Variants in BICC1 observed in about 807,000 individuals in gnomAD.
The protein encoded by BICC1 is BicC family RNA binding protein 1, also known as protein bicaudal C homolog 1.
Under a neutral mutation model 111.0 loss-of-function variants are expected in BICC1, and 43 were observed. That is an observed-to-expected ratio of 0.39 (90% CI 0.30 to 0.50). The LOEUF (loss-of-function observed/expected upper bound fraction) is 0.50. Among genes scored for constraint, BICC1 ranks in the 20% least tolerant of loss-of-function variants. BICC1 has a pLI of 0.88. For synonymous variants in BICC1, 467 were observed against 434.4 expected (o/e 1.07, Z -0.93); for missense variants, 1,091 against 1,203.2 (o/e 0.91, Z 1.38).
chr10:58,713,775 C>T (rs1466536758), intron 3 of BICC1, among the ~76,000 whole-genome samples: 1 of 152,234 alleles, frequency 6.6e-6, no homozygotes, highest in African/African-American at 2.4e-5. Context: ...CCTCACCTGA[C>T]TTTTAGAAGT....
chr10:58,513,602 G>A (rs1842158680), intron 1 of BICC1, among the ~76,000 whole-genome samples: 1 of 152,188 alleles, frequency 6.6e-6, no homozygotes, highest in South Asian at 2.1e-4. Flanking sequence ...TTGTACTGGC[G>A]CGCCCAAGTT....
chr10:58,618,626 G>A (rs972804183), intron 1 of BICC1, among the ~76,000 whole-genome samples: 1 of 152,108 alleles, frequency 6.6e-6, no homozygotes, highest in Non-Finnish European at 1.5e-5. Context: ...TTGGTCTCCC[G>A]CTTGGTCTGG....
At chr10:58,601,976 A>G (rs1845057178) in intron 1 of BICC1, among the ~76,000 whole-genome samples, 1 of 152,154 alleles carries the variant, frequency 6.6e-6, no homozygotes, top group African/African-American at 2.4e-5. Context: ...TCAGCCATGA[A>G]GATCCAGAAC....
Position 58,787,097 on chromosome 10 carries a change from A to G in BICC1, c.546+16A>G. On this transcript the variant is annotated intron_variant, in intron 5 of 20. Coordinates refer to ENST00000373886, the MANE Select transcript of BICC1 (RefSeq NM_001080512.3). ...AAGCAACCAGGTGGTTTGTCTTTTC[A>G]CATGAACTTTTATGGGATGAATTAC... is the stretch of plus-strand genomic sequence containing the variant. The G allele has an allele frequency of 6.4e-7, 1 of 1,556,096 alleles. No homozygotes were observed. Among genetic ancestry groups the G allele is most frequent in the Non-Finnish European group, 8.6e-7 (1 of 1,157,618 alleles).
rs970034521 is a variant in BICC1 at position 58,800,216 on chromosome 10, C to T, written c.1748C>T (p.Ala583Val). ...TAGTCTCCAGATATAAAATATGGTG[C>T]AATATCCACTTCATCACTTGGAGAA... ...HAQSPDIKYG[A>V]ISTSSLGEKV... The change falls in exon 13 of 21, where the codon GCA becomes GTA. Residue 583 changes from alanine to valine, a missense_variant. Ala to Val is a moderately conservative substitution (Grantham distance 64). Transcript: ENST00000373886. 1 of 1,604,722 alleles carries T rather than the reference C, an allele frequency of 6.2e-7. No homozygotes were observed. The highest frequency in any genetic ancestry group is 1.3e-5 in the African/African-American group (1 of 74,794).
chr10:58,666,362 A>C (rs998042142), intron 2 of BICC1, among the ~76,000 whole-genome samples: 1 of 152,114 alleles, frequency 6.6e-6, no homozygotes, highest in African/African-American at 2.4e-5. Flanking sequence ...TAGGTTTTCA[A>C]TTTTGTCTCA....
intron 3 of BICC1, among the ~76,000 whole-genome samples, chr10:58,719,942 T>C (rs1264545500): frequency 1.3e-5 from 2 of 152,188 alleles, no homozygotes; most frequent in African/African-American, 4.8e-5. Flanking sequence ...AGCCTACTTC[T>C]TGAGTATGTC....
chr10:58,660,373 C>T (rs963833458), intron 2 of BICC1, among the ~76,000 whole-genome samples: 91 of 152,144 alleles, frequency 6.0e-4, no homozygotes, highest in African/African-American at 2.0e-3. Flanking sequence ...TACCCTGGCC[C>T]TGGATCACCT....
In BICC1 at chr10:58,693,106, C is replaced by T. The variant is rs565231367; in HGVS notation, c.238-8968C>T. On this transcript the variant is annotated intron_variant, in intron 2 of 20. Transcript: ENST00000373886. ...ATTCCCACCTATGAGTGAGAACATG[C>T]GGTGTTTGGTTTTTTGTCCTTGCGA... Among the ~76,000 whole-genome samples, 25 of 152,030 alleles carry T rather than the reference C, an allele frequency of 1.6e-4. No homozygotes were observed. The East Asian group carries it at 2.1e-3, about 13-fold the overall frequency.
chr10:58,640,126 G>T (rs1329966970), intron 2 of BICC1, among the ~76,000 whole-genome samples: 1 of 152,042 alleles, frequency 6.6e-6, no homozygotes, highest in African/African-American at 2.4e-5. Flanking sequence ...TCTGATGGGA[G>T]TACTGATCAG....
intron 2 of BICC1, among the ~76,000 whole-genome samples, chr10:58,623,693 C>T (rs1845897850): frequency 6.6e-6 from 1 of 152,156 alleles, no homozygotes; most frequent in Non-Finnish European, 1.5e-5. Flanking sequence ...CTAAGCATGA[C>T]CTTCATCTCC....
At chr10:58,796,650 G>A (rs1032993204) in intron 10 of BICC1, 124 bp downstream of exon 10, 3 of 901,492 alleles carry the variant, frequency 3.3e-6, no homozygotes, top group Non-Finnish European at 3.2e-6. Context: ...TCTAAGATCA[G>A]ATGAAAAGCC....
At chr10:58,811,109 G>A (rs1222837656) in intron 17 of BICC1, among the ~76,000 whole-genome samples, 1 of 152,170 alleles carries the variant, frequency 6.6e-6, no homozygotes, top group African/African-American at 2.4e-5. Context: ...GCACTTTGAA[G>A]CTTTTTTTGT....
chr10:58,773,261 G>A (rs1842666081), intron 3 of BICC1, among the ~76,000 whole-genome samples: 1 of 152,174 alleles, frequency 6.6e-6, no homozygotes, highest in Non-Finnish European at 1.5e-5. Context: ...TAGTGCTTCT[G>A]TGGAGAAAGG....
intron 1 of BICC1, among the ~76,000 whole-genome samples, chr10:58,544,881 A>G (rs888473863): frequency 1.5e-4 from 23 of 152,216 alleles, no homozygotes; most frequent in African/African-American, 5.1e-4. Flanking sequence ...GTTGGGTTCT[A>G]ATCTAATATG....
rs61692850 is a variant in BICC1 at position 58,555,306 on chromosome 10, ATTTTTTTT to A, written c.190+41994_190+42001del. 6.7e-3 allele frequency among the ~76,000 whole-genome samples: 683 copies of A among 102,532 alleles called. 4 individuals are homozygous for A. The highest frequency in any genetic ancestry group is 0.021 in the African/African-American group (550 of 25,828). 67.3% of individuals were successfully genotyped at this position (102,532 alleles called of 152,430 possible). On this transcript the variant is annotated intron_variant, in intron 1 of 20. Transcript: ENST00000373886. ...CTGAAGAGAATAGAGGCTGTTGGAC[ATTTTTTTT>A]TTTTTTTTTTTTTTTTTTTTAGGTG...
chr10:58,811,596 A>C (rs888553887), intron 17 of BICC1, among the ~76,000 whole-genome samples: 4 of 151,972 alleles, frequency 2.6e-5, no homozygotes, highest in Non-Finnish European at 4.4e-5. Flanking sequence ...AATACTAAGC[A>C]CCTTATGTGT....
chr10:58,799,680 T>G (rs1404667406), intron 12 of BICC1, among the ~76,000 whole-genome samples: 1 of 152,110 alleles, frequency 6.6e-6, no homozygotes, highest in Non-Finnish European at 1.5e-5. Context: ...ATTTCTGGAT[T>G]CTCTATTCCG....
At chr10:58,778,162 G>A (rs994546562) in intron 3 of BICC1, among the ~76,000 whole-genome samples, 8 of 151,436 alleles carry the variant, frequency 5.3e-5, no homozygotes, top group African/African-American at 1.7e-4. Flanking sequence ...GCAGTGAGCC[G>A]AGATCACACC....
Sources: allele counts gnomAD v4.1 joint callset (sites outside exome capture counted in the v4.1 genomes callset), GRCh38; gene constraint gnomAD v4.1.1; transcripts MANE v1.5; gene names NCBI Gene and HGNC (gene_info 2026-07-23, HGNC 2026-07-21).